Variants in DLGAP1 observed in about 807,000 individuals in gnomAD.
DLGAP1 encodes disks large-associated protein 1.
DLGAP1 carries 11 observed loss-of-function variants against 90.8 expected under a neutral mutation model. The observed-to-expected ratio is 0.12, with a 90% CI of 0.08 to 0.20. The LOEUF (loss-of-function observed/expected upper bound fraction) is 0.20, where lower values mean the gene tolerates loss of function less well. DLGAP1 is among the 10% of genes least tolerant of loss of function. The pLI is 1.00. For missense variants in DLGAP1, 1,050 were observed against 1,333.8 expected (o/e 0.79, Z 3.31); for synonymous variants, 558 against 540.7 (o/e 1.03, Z -0.44).
chr18:3,803,910 A>G (rs1758659426), intron 5 of DLGAP1, among the ~76,000 whole-genome samples: 1 of 147,646 alleles, frequency 6.8e-6, no homozygotes, highest in African/African-American at 2.5e-5. Context: ...AAATATTACT[A>G]GCTATCAGGA....
chr18:3,499,542 AT>A lies in DLGAP1; in HGVS notation c.2725-149del. On this transcript the variant is annotated intron_variant, in intron 12 of 12. Coordinates refer to ENST00000315677, the MANE Select transcript of DLGAP1 (RefSeq NM_004746.4). The surrounding 1 kb of genome is among the most constrained non-coding windows in gnomAD (Gnocchi z 6.4). ...ACACTGCATATCTACTTTTTTCTTCATTATTCTGGCTTGGGCATTCAAAAGA... is the reference window on the plus strand; with the variant it reads ...ACACTGCATATCTACTTTTTTCTTCATATTCTGGCTTGGGCATTCAAAAGA... 1.3e-6 allele frequency: 1 copy of A among 798,194 alleles called. No homozygotes were observed. Among genetic ancestry groups the A allele is most frequent in the Non-Finnish European group, 1.9e-6 (1 of 532,086 alleles). 49.4% of individuals were successfully genotyped at this position (798,194 alleles called of 1,614,324 possible).
Position 3,561,550 on chromosome 18 carries a change from G to C in DLGAP1, c.2057+5940C>G, listed in dbSNP as rs773579869. On this transcript the variant is annotated intron_variant, in intron 9 of 12. Transcript: ENST00000315677. Reference sequence around the variant, plus strand: ...CTTAACATTTCTTGAAGGTCTGCTGGCAACAAATTCCCTCAATTTTTGTTT... The same window carrying C: ...CTTAACATTTCTTGAAGGTCTGCTGCCAACAAATTCCCTCAATTTTTGTTT... Among the ~76,000 whole-genome samples, 23 of 150,044 alleles carry C rather than the reference G, an allele frequency of 1.5e-4. 1 individual carries two copies. Among genetic ancestry groups the C allele is most frequent in the Non-Finnish European group, 2.5e-4 (17 of 67,912 alleles).
intron 10 of DLGAP1, among the ~76,000 whole-genome samples, chr18:3,531,262 C>T (rs1045115173): frequency 2.0e-5 from 3 of 151,860 alleles, no homozygotes; most frequent in African/African-American, 7.3e-5. Context: ...CATGGTGAAA[C>T]CCCGTCTCTA....
rs2083946943 is a variant in DLGAP1, at chr18:4,455,284, G to C, written c.-545C>G. ...CGGAGGCTGAGCGCCGGGACGCGGC[G>C]GGCTGGGGCTGCAAGGCTGGGCTGG... On this transcript the variant is annotated 5_prime_UTR_variant, in exon 1 of 13. Transcript: ENST00000315677. 1 of 152,532 alleles carries C rather than the reference G, an allele frequency of 6.6e-6. No individual in the cohort carries two copies. The highest frequency in any genetic ancestry group is 1.5e-5 in the Non-Finnish European group (1 of 68,528). 9.4% of individuals were successfully genotyped at this position (152,532 alleles called of 1,614,324 possible).
chr18:4,067,588 AT>A (rs35755409), intron 2 of DLGAP1, among the ~76,000 whole-genome samples: 30,229 of 147,206 alleles, frequency 0.21, 3,054 homozygotes, highest in South Asian at 0.28. Flanking sequence ...AGAGTTTGGC[AT>A]TTTTTTTTTT....
intron 7 of DLGAP1, among the ~76,000 whole-genome samples, chr18:3,704,953 A>G (rs925673148): frequency 6.6e-6 from 1 of 152,236 alleles, no homozygotes; most frequent in African/African-American, 2.4e-5. Context: ...ACATGAATAC[A>G]TGCAAAAGCA....
rs928062612 is a variant in DLGAP1 at position 4,214,874 on chromosome 18, C to A, written c.-266-63587G>T. Among the ~76,000 whole-genome samples the A allele has an allele frequency of 6.8e-4, 104 of 152,152 alleles. 1 individual carries two copies. The highest frequency in any genetic ancestry group is 2.1e-4 in the Non-Finnish European group (14 of 67,988). ...GAATCCCACCAAAAGAAAACAAACA[C>A]CAGAATTTTTTCCTTAATTATTAGG... is the stretch of plus-strand genomic sequence containing the variant. On this transcript the variant is annotated intron_variant, in intron 1 of 12. Transcript: ENST00000315677.
At chr18:3,805,253 C>T (rs936153968) in intron 5 of DLGAP1, among the ~76,000 whole-genome samples, 1 of 152,114 alleles carries the variant, frequency 6.6e-6, no homozygotes, top group Non-Finnish European at 1.5e-5. Flanking sequence ...ATGTTACTTC[C>T]CATACAAGTG....
intron 7 of DLGAP1, among the ~76,000 whole-genome samples, chr18:3,676,168 G>T (rs528829949): frequency 6.6e-6 from 1 of 152,190 alleles, no homozygotes; most frequent in Non-Finnish European, 1.5e-5. Context: ...TCTGCCAGCC[G>T]CGTGTACAGC....
Position 4,310,896 on chromosome 18 carries a change from C to T in DLGAP1, c.-267+144110G>A, listed in dbSNP as rs374847268. On this transcript the variant is annotated intron_variant, in intron 1 of 12. Coordinates refer to ENST00000315677, the MANE Select transcript of DLGAP1 (RefSeq NM_004746.4). Reference sequence around the variant, plus strand: ...AGTTCTTTACATCATCTTAGCAATTCTCTGATTGTTTAGAAGGCCTTACAG... The same window carrying T: ...AGTTCTTTACATCATCTTAGCAATTTTCTGATTGTTTAGAAGGCCTTACAG... Among the ~76,000 whole-genome samples the T allele has an allele frequency of 9.9e-5, 15 of 152,276 alleles. No individual in the cohort carries two copies. The East Asian group carries it at 2.5e-3, about 25-fold the overall frequency.
chr18:4,034,381 G>C (rs575462889), intron 2 of DLGAP1, among the ~76,000 whole-genome samples: 1 of 152,094 alleles, frequency 6.6e-6, no homozygotes, highest in Non-Finnish European at 1.5e-5. Flanking sequence ...ATCCATTTTA[G>C]CCAAGATATT....
At chr18:3,505,281 G>C (rs1290822852) in intron 11 of DLGAP1, among the ~76,000 whole-genome samples, 1 of 152,090 alleles carries the variant, frequency 6.6e-6, no homozygotes, top group Non-Finnish European at 1.5e-5. Context: ...TTTTACCATG[G>C]GGCTGTGAAC....
chr18:3,827,130 G>C (rs2067763343), intron 4 of DLGAP1, among the ~76,000 whole-genome samples: 1 of 152,160 alleles, frequency 6.6e-6, no homozygotes, highest in Admixed American at 6.5e-5. Context: ...CAGAGATGTT[G>C]AATAGGGTAG....
intron 3 of DLGAP1, among the ~76,000 whole-genome samples, chr18:3,903,704 C>T (rs919893222): frequency 2.0e-5 from 3 of 152,186 alleles, no homozygotes; most frequent in African/African-American, 7.2e-5. Flanking sequence ...TCTAAGATGT[C>T]TGTGAGTTTG....
chr18:4,082,250 G>A (rs1343430378), intron 2 of DLGAP1, among the ~76,000 whole-genome samples: 2 of 149,500 alleles, frequency 1.3e-5, no homozygotes, highest in African/African-American at 4.9e-5. Context: ...GCTGAGGCAG[G>A]AGAATTCCTT....
At chr18:4,176,457 A>T (rs1337433927) in intron 1 of DLGAP1, among the ~76,000 whole-genome samples, 1 of 152,184 alleles carries the variant, frequency 6.6e-6, no homozygotes, top group African/African-American at 2.4e-5. Context: ...AACCATTCAT[A>T]TTATGTGAGT....
intron 2 of DLGAP1, among the ~76,000 whole-genome samples, chr18:4,045,810 G>C: frequency 8.3e-6 from 1 of 120,922 alleles, no homozygotes; most frequent in African/African-American, 3.3e-5. Context: ...TTTTTTTAAA[G>C]TTAGCATCTT....
chr18:4,431,925 C>A (rs1479469386), intron 1 of DLGAP1, among the ~76,000 whole-genome samples: 1 of 152,214 alleles, frequency 6.6e-6, no homozygotes, highest in Non-Finnish European at 1.5e-5. Flanking sequence ...GTCAGGCACA[C>A]TGCAATGTTT....
chr18:4,129,091 C>G (rs1300949808), intron 2 of DLGAP1, among the ~76,000 whole-genome samples: 1 of 152,076 alleles, frequency 6.6e-6, no homozygotes, highest in East Asian at 1.9e-4. Context: ...TCTATAAGTA[C>G]AATTGTATTA....
Sources: gnomAD v4.1 joint callset for allele counts (sites outside exome capture counted in the v4.1 genomes callset) on GRCh38, gnomAD v4.1.1 for gene constraint, Gnocchi (gnomAD v3.1) non-coding constraint, MANE v1.5 for transcripts, NCBI Gene and HGNC (gene_info 2026-07-23, HGNC 2026-07-21) for gene names.